The following TIAM1 variants were observed in gnomAD, a reference collection of about 807,000 sequenced individuals.
TIAM1 encodes rho guanine nucleotide exchange factor TIAM1.
In TIAM1, 65 loss-of-function variants were observed where a neutral mutation model predicts 163.5. That is an observed-to-expected ratio of 0.40 (90% CI 0.33 to 0.49). The LOEUF (loss-of-function observed/expected upper bound fraction) is 0.49. Ranked by LOEUF, TIAM1 falls within the 20% of genes least tolerant of loss-of-function variation. TIAM1 has a pLI of 0.77. For missense variants in TIAM1, 1,789 were observed against 2,044.7 expected, an observed-to-expected ratio of 0.87 and a Z score of 2.41; for synonymous variants, 833 against 810.1, an observed-to-expected ratio of 1.03 and a Z score of -0.48.
chr21:31,430,233 T>A (rs555492082), intron 2 of TIAM1, among the ~76,000 whole-genome samples: 18 of 125,780 alleles, frequency 1.4e-4, no homozygotes, highest in African/African-American at 6.6e-4. Context: ...AAAATATATA[T>A]ATATATATAT....
In TIAM1 at chr21:31,471,870, A is replaced by AAATAATAATAATAATAATAAT. The variant is rs551501073; in HGVS notation, c.-421-7856_-421-7836dup. The stretch of plus-strand genomic sequence containing the variant: ...GGCAACAAGAGCGAAACTCCATCTC[A>AAATAATAATAATAATAATAAT]AATAATAATAATAATAATAATAATA... On this transcript the variant is annotated intron_variant, in intron 1 of 28. Transcript: ENST00000286827. Among the ~76,000 whole-genome samples the AAATAATAATAATAATAATAAT allele has an allele frequency of 6.4e-3, 757 of 118,898 alleles. 10 individuals carry two copies. The highest frequency in any genetic ancestry group is 0.024 in the African/African-American group (725 of 29,652). The allele number at this position is 118,898 out of a possible 152,430, so 78.0% of individuals were successfully genotyped here. A position where few individuals can be genotyped will look rare whatever the true frequency, so the allele number is the denominator to read the frequency against.
At position 31,217,630 on chromosome 21, in the gene TIAM1, G is replaced by A. The variant is rs1314285809; in HGVS notation, c.2065C>T (p.Arg689Ter). The A allele has an allele frequency of 1.9e-6, 3 of 1,613,958 alleles. No individual in the cohort carries two copies. Among genetic ancestry groups the A allele is most frequent in the Non-Finnish European group, 1.7e-6 (2 of 1,179,976 alleles). Residue 689 changes from arginine (R) to a stop codon, truncating the protein, a stop_gained, in exon 9 of 28, where the codon CGA becomes TGA. Transcript: ENST00000541036. LOFTEE classifies it high-confidence loss of function. Reference sequence around the variant, plus strand: ...CACAGAGAAGAAAACCTGCTCCTTCGCTTGCTCGCGGATCTGGACATGGCC... The same window carrying A: ...CACAGAGAAGAAAACCTGCTCCTTCACTTGCTCGCGGATCTGGACATGGCC... ...TQAMSRSASK[R>*]RSRFSSLWGL...
At chr21:31,316,586 C>T (rs951453098) in intron 2 of TIAM1, among the ~76,000 whole-genome samples, 1 of 152,160 alleles carries the variant, frequency 6.6e-6, no homozygotes, top group African/African-American at 2.4e-5. Context: ...TGACCCTTAT[C>T]GGATCTAAGG....
chr21:31,215,312 C>T (rs2087119366), intron 9 of TIAM1, among the ~76,000 whole-genome samples: 1 of 151,974 alleles, frequency 6.6e-6, no homozygotes, highest in Non-Finnish European at 1.5e-5. Context: ...AGAAATGGGC[C>T]AGGCGCAGTG....
chr21:31,436,031 C>T (rs1034662507), intron 2 of TIAM1, among the ~76,000 whole-genome samples: 7 of 152,170 alleles, frequency 4.6e-5, no homozygotes, highest in Middle Eastern at 3.2e-3. Flanking sequence ...CAGCCCAAAA[C>T]TAAGACAAGA....
At chr21:31,517,062 AAAAAG>A (rs201124526) in intron 1 of TIAM1, among the ~76,000 whole-genome samples, 8 of 151,358 alleles carry the variant, frequency 5.3e-5, no homozygotes, top group Middle Eastern at 3.4e-3. Context: ...AAAAAAAAAA[AAAAAG>A]AAAAGAAAAG....
At chr21:31,251,637 T>C (rs1240746002) in intron 5 of TIAM1, 105 bp downstream of exon 5, 1 of 1,191,402 alleles carries the variant, frequency 8.4e-7, no homozygotes, top group Non-Finnish European at 1.2e-6. Flanking sequence ...TTTCAAATTC[T>C]GTATAACAAC....
chr21:31,391,125 G>A (rs1405309709), intron 2 of TIAM1, among the ~76,000 whole-genome samples: 11 of 152,196 alleles, frequency 7.2e-5, no homozygotes, highest in East Asian at 3.9e-4. Flanking sequence ...TCATAGGCCC[G>A]AGGGCAGCTC....
At chr21:31,468,548 G>A (rs548006788) in intron 1 of TIAM1, among the ~76,000 whole-genome samples, 7 of 151,528 alleles carry the variant, frequency 4.6e-5, no homozygotes, top group Admixed American at 2.6e-4. Flanking sequence ...AGACCAAAGC[G>A]GGCGGATCAC....
At chr21:31,285,977 C>A (rs766436785) in intron 2 of TIAM1, among the ~76,000 whole-genome samples, 7 of 152,076 alleles carry the variant, frequency 4.6e-5, no homozygotes, top group Non-Finnish European at 1.0e-4. Flanking sequence ...GAAAGAGAAT[C>A]TAGAAATATT....
chr21:31,283,407 A>G (rs928290940), intron 2 of TIAM1, among the ~76,000 whole-genome samples: 3 of 152,192 alleles, frequency 2.0e-5, no homozygotes, highest in African/African-American at 4.8e-5. Context: ...GAATGGTTCA[A>G]ATGAGGCCCC....
chr21:31,380,127 G>C (rs1408321147), intron 2 of TIAM1, among the ~76,000 whole-genome samples: 3 of 151,694 alleles, frequency 2.0e-5, no homozygotes, highest in Non-Finnish European at 4.4e-5. Context: ...GGCCAGGCAT[G>C]GTGGTGCACA....
intron 1 of TIAM1, among the ~76,000 whole-genome samples, chr21:31,529,629 A>G (rs2147513516): frequency 6.6e-6 from 1 of 152,350 alleles, no homozygotes; most frequent in East Asian, 1.9e-4. Context: ...AGAAGGAAAC[A>G]AAGGAAATAA....
intron 6 of TIAM1, among the ~76,000 whole-genome samples, chr21:31,232,594 G>A (rs575943271): frequency 6.6e-6 from 1 of 152,246 alleles, no homozygotes; most frequent in East Asian, 1.9e-4. Context: ...GCTCACAGTG[G>A]ACTCCTGACC....
At chr21:31,546,184 AT>A (rs1342528466) in intron 1 of TIAM1, among the ~76,000 whole-genome samples, 208 of 81,070 alleles carry the variant, frequency 2.6e-3, no homozygotes, top group South Asian at 0.011. Flanking sequence ...GGTATTTGTA[AT>A]TTAAAAAAAA....
rs149865128 is a variant in TIAM1, at chr21:31,240,874, C to T, written c.1584+4614G>A. Among the ~76,000 whole-genome samples, 386 of 152,304 alleles carry T rather than the reference C, an allele frequency of 2.5e-3. 2 individuals are homozygous for T. The highest frequency in any genetic ancestry group is 8.4e-3 in the African/African-American group (347 of 41,556). ...CTGGAAGGTCACTGATACGGTTTGG[C>T]TGTGTCCCCACCTAATCTCATCTTC... On this transcript the variant is annotated intron_variant, in intron 6 of 27. Transcript: ENST00000541036.
At chr21:31,260,989 G>A (rs2072437557) in intron 4 of TIAM1, among the ~76,000 whole-genome samples, 1 of 152,132 alleles carries the variant, frequency 6.6e-6, no homozygotes, top group Non-Finnish European at 1.5e-5. Flanking sequence ...TTCAGCCCAG[G>A]AAACAAACTT....
chr21:31,371,483 C>T (rs1020780090), intron 2 of TIAM1, among the ~76,000 whole-genome samples: 1 of 152,160 alleles, frequency 6.6e-6, no homozygotes, highest in Non-Finnish European at 1.5e-5. Flanking sequence ...GTGCTGACAG[C>T]TCCTATACAC....
chr21:31,147,780 ATATT>A (rs1336356718), intron 19 of TIAM1, among the ~76,000 whole-genome samples: 6 of 136,878 alleles, frequency 4.4e-5, no homozygotes, highest in African/African-American at 8.2e-5. Context: ...TTAATATATT[ATATT>A]AAAATATATA....
Sources: gnomAD v4.1 joint callset for allele counts (sites outside exome capture counted in the v4.1 genomes callset) on GRCh38, gnomAD v4.1.1 for gene constraint, MANE v1.5 for transcripts, NCBI Gene and HGNC (gene_info 2026-07-23, HGNC 2026-07-21) for gene names.